Variants in ST8SIA6 observed in about 807,000 individuals in gnomAD.
ST8SIA6 encodes alpha-2,8-sialyltransferase 8F.
Under a neutral mutation model 33.6 loss-of-function variants are expected in ST8SIA6, and 39 were observed. The observed-to-expected ratio is 1.16, with a 90% CI of 0.90 to 1.52. ST8SIA6 has a LOEUF of 1.52. Ranked by LOEUF, ST8SIA6 falls within the 40% of genes most tolerant of loss-of-function variation. The probability of loss-of-function intolerance (pLI) is 0.00; values close to 1 mark genes in which losing one functional copy is unlikely to be tolerated. For missense variants in ST8SIA6, 441 were observed against 443.8 expected, an observed-to-expected ratio of 0.99 and a Z score of 0.06; for synonymous variants, 172 against 167.2, an observed-to-expected ratio of 1.03 and a Z score of -0.22.
chr10:17,327,975 C>T (rs1848188486), intron 5 of ST8SIA6, among the ~76,000 whole-genome samples: 1 of 152,062 alleles, frequency 6.6e-6, no homozygotes, highest in Admixed American at 6.6e-5. Flanking sequence ...AGTTTCATTT[C>T]TCTTGAGAGA....
chr10:17,411,171 T>TG (rs1851434791), intron 2 of ST8SIA6, among the ~76,000 whole-genome samples: 2 of 138,134 alleles, frequency 1.4e-5, no homozygotes, highest in African/African-American at 5.4e-5. Context: ...ACTTGAACTC[T>TG]TTGTGTGTGT....
chr10:17,435,661 TAAAC>T (rs1047486861), intron 2 of ST8SIA6, among the ~76,000 whole-genome samples: 18 of 113,692 alleles, frequency 1.6e-4, no homozygotes, highest in Admixed American at 4.1e-4. Context: ...TTCTCTATCT[TAAAC>T]AAACAGCATT....
At chr10:17,399,579 T>G (rs1850959343) in intron 2 of ST8SIA6, among the ~76,000 whole-genome samples, 1 of 152,190 alleles carries the variant, frequency 6.6e-6, no homozygotes, top group Non-Finnish European at 1.5e-5. Flanking sequence ...TCAGTTACCA[T>G]AATGTATTTT....
At position 17,454,194 on chromosome 10, in the gene ST8SIA6, C is replaced by CGCAGGA; in HGVS notation, c.61_62insTCCTGC (p.Leu19_Leu20dup). 3.6e-6 allele frequency: 1 copy of CGCAGGA among 280,716 alleles called. No homozygotes were observed. The highest frequency in any genetic ancestry group is 6.5e-6 in the Non-Finnish European group (1 of 152,758). 17.4% of individuals were successfully genotyped at this position (280,716 alleles called of 1,614,324 possible). On this transcript the variant is annotated inframe_insertion, in exon 1 of 8. Coordinates refer to ENST00000377602, the MANE Select transcript of ST8SIA6 (RefSeq NM_001004470.3). This position sits in a 1 kb window ranked among gnomAD's most constrained non-coding sequence, Gnocchi z 4.1. ...CGCGTCTGCCGGGCACCAGAGCAGG[C>CGCAGGA]GCAGCAGCAGCAGCAGCAGCAGGCT...
intron 2 of ST8SIA6, among the ~76,000 whole-genome samples, chr10:17,430,813 AT>A (rs1240326679): frequency 2.0e-5 from 3 of 152,078 alleles, no homozygotes; most frequent in African/African-American, 7.2e-5. Flanking sequence ...GTTTGCAAAT[AT>A]TTTCTCCCAT....
intron 7 of ST8SIA6, among the ~76,000 whole-genome samples, chr10:17,322,094 CAGAG>C (rs10544183): frequency 0.12 from 16,321 of 133,608 alleles, 1,662 homozygotes; most frequent in African/African-American, 0.29. Flanking sequence ...CAAAGAGAGA[CAGAG>C]AGAGAGAGAG....
intron 7 of ST8SIA6, among the ~76,000 whole-genome samples, chr10:17,322,088 GAGAGAC>G (rs1029828299): frequency 4.3e-5 from 3 of 70,374 alleles, no homozygotes; most frequent in African/African-American, 1.3e-4. Context: ...GGGTGACAAA[GAGAGAC>G]AGAGAGAGAG....
At chr10:17,404,981 C>A (rs541591204) in intron 2 of ST8SIA6, among the ~76,000 whole-genome samples, 48 of 152,268 alleles carry the variant, frequency 3.2e-4, no homozygotes, top group African/African-American at 1.0e-3. Flanking sequence ...GGAGAGGCAA[C>A]TCTCCCTCTC....
intron 7 of ST8SIA6, among the ~76,000 whole-genome samples, chr10:17,321,736 A>G (rs1318258184): frequency 1.3e-5 from 2 of 152,204 alleles, no homozygotes; most frequent in Non-Finnish European, 2.9e-5. Context: ...TACATTTTAA[A>G]AAATTCATTG....
At chr10:17,339,371 T>C (rs1010894649) in intron 4 of ST8SIA6, among the ~76,000 whole-genome samples, 5 of 152,146 alleles carry the variant, frequency 3.3e-5, no homozygotes, top group African/African-American at 1.2e-4. Flanking sequence ...TGTGAAAAAG[T>C]TCCCATAAGG....
At chr10:17,322,661 C>T (rs1408960294) in intron 7 of ST8SIA6, among the ~76,000 whole-genome samples, 1 of 152,152 alleles carries the variant, frequency 6.6e-6, no homozygotes, top group East Asian at 1.9e-4. Context: ...TAAACTCTAA[C>T]TTGATAACTG....
chr10:17,369,199 T>A (rs1434736591), intron 3 of ST8SIA6, among the ~76,000 whole-genome samples: 1 of 152,166 alleles, frequency 6.6e-6, no homozygotes, highest in African/African-American at 2.4e-5. Flanking sequence ...TACAACATTT[T>A]AATCACCTCA....
chr10:17,436,365 T>G (rs901284549), intron 2 of ST8SIA6, among the ~76,000 whole-genome samples: 1 of 152,002 alleles, frequency 6.6e-6, no homozygotes, highest in South Asian at 2.1e-4. Flanking sequence ...GATCTGATGG[T>G]TTGTTTTTGT....
chr10:17,382,816 C>T (rs952700696), intron 3 of ST8SIA6, among the ~76,000 whole-genome samples: 1 of 151,972 alleles, frequency 6.6e-6, no homozygotes, highest in African/African-American at 2.4e-5. Context: ...TCGTAAGGGC[C>T]GATTTTGAAA....
chr10:17,385,060 A>T (rs1376570648), intron 3 of ST8SIA6, among the ~76,000 whole-genome samples: 1 of 152,164 alleles, frequency 6.6e-6, no homozygotes, highest in Non-Finnish European at 1.5e-5. Flanking sequence ...AAGATTTTAA[A>T]AAAGAAAAAG....
intron 4 of ST8SIA6, among the ~76,000 whole-genome samples, chr10:17,355,442 A>G (rs1588831423): frequency 6.6e-6 from 1 of 152,204 alleles, no homozygotes; most frequent in African/African-American, 2.4e-5. Flanking sequence ...ATTGGGTACC[A>G]TCTATGAGAT....
At chr10:17,402,888 A>C (rs1392557134) in intron 2 of ST8SIA6, among the ~76,000 whole-genome samples, 1 of 152,228 alleles carries the variant, frequency 6.6e-6, no homozygotes, top group East Asian at 1.9e-4. Context: ...ACAAACCTGC[A>C]CATTATGCAC....
chr10:17,334,201 T>C (rs1418990033), intron 4 of ST8SIA6, among the ~76,000 whole-genome samples: 1 of 151,712 alleles, frequency 6.6e-6, no homozygotes, highest in Non-Finnish European at 1.5e-5. Context: ...GTTATAACAC[T>C]AAAGACAAAA....
intron 2 of ST8SIA6, among the ~76,000 whole-genome samples, chr10:17,434,986 C>G (rs1486064271): frequency 1.3e-5 from 2 of 152,168 alleles, no homozygotes; most frequent in Non-Finnish European, 2.9e-5. Flanking sequence ...CAAGGACTCC[C>G]ATGCTGAGAA....
Sources: allele counts gnomAD v4.1 joint callset (sites outside exome capture counted in the v4.1 genomes callset), GRCh38; gene constraint gnomAD v4.1.1; non-coding constraint Gnocchi (gnomAD v3.1); transcripts MANE v1.5; gene names NCBI Gene and HGNC (gene_info 2026-07-23, HGNC 2026-07-21).